The following LPA variants were observed in gnomAD, a reference collection of about 807,000 sequenced individuals.
LPA encodes apolipoprotein(a).
LPA carries 199 observed loss-of-function variants against 197.9 expected under a neutral mutation model. The ratio of observed to expected loss-of-function variants is 1.01; its 90% CI spans 0.90 to 1.13. The LOEUF (loss-of-function observed/expected upper bound fraction) is 1.13. LPA is among the 50% of genes most tolerant of loss of function. The pLI is 0.00. For missense variants in LPA, 1,853 were observed against 1,785.8 expected, an observed-to-expected ratio of 1.04 and a Z score of -0.68; for synonymous variants, 715 against 639.5, an observed-to-expected ratio of 1.12 and a Z score of -1.78.
chr6:160,578,585 G>A lies in LPA; in HGVS notation c.4409C>T (p.Ser1470Leu), dbSNP rs200730022. Residue 1470 changes from serine (S) to leucine (L), a missense_variant, in exon 27 of 39, where the codon TCG becomes TTG. Around this residue, in one of 3 missense-constraint regions of LPA, gnomAD observed 1,737 missense variants for 1,504.4 expected, o/e 1.15. Transcript: ENST00000316300. ...CACTGTGGGAGTTGTGAGGACACTC[G>A]ATTCTGTCACTGGACATCGTGTCAG... Reference protein sequence around the residue: ...CNLTRCPVTESSVLTTPTVAP... With the variant: ...CNLTRCPVTELSVLTTPTVAP... 9.1e-5 allele frequency: 147 copies of A among 1,614,008 alleles called. No individual in the cohort carries two copies. The highest frequency in any genetic ancestry group is 1.2e-4 in the Non-Finnish European group (140 of 1,179,920).
rs771903485 is a variant in LPA at position 160,553,954 on chromosome 6, T to TGTGTGTGTGC, written c.4973+2070_4973+2071insGCACACACAC. ...CTCTCTCTCTGTGTGTGTGTGTGTG[T>TGTGTGTGTGC]GCGCGCGCGCGCGTGTGCGTGTGTG... On this transcript the variant is annotated intron_variant, in intron 30 of 38. Coordinates refer to ENST00000316300, the MANE Select transcript of LPA (RefSeq NM_005577.4). Among the ~76,000 whole-genome samples the TGTGTGTGTGC allele has an allele frequency of 5.4e-3, 708 of 130,758 alleles. 6 individuals are homozygous for TGTGTGTGTGC. Among genetic ancestry groups the TGTGTGTGTGC allele is most frequent in the African/African-American group, 0.019 (638 of 33,042 alleles). 85.8% of individuals were successfully genotyped at this position (130,758 alleles called of 152,430 possible). A position where few individuals can be genotyped will look rare whatever the true frequency, so the allele number is the denominator to read the frequency against.
intron 2 of LPA, among the ~76,000 whole-genome samples, chr6:160,649,088 G>T (rs1256518024): frequency 2.0e-5 from 3 of 152,160 alleles, no homozygotes; most frequent in Non-Finnish European, 4.4e-5. Context: ...TCATTCTGAT[G>T]CTTGGAGACT....
chr6:160,650,305 C>A, intron 2 of LPA, 33 bp downstream of exon 2: 1 of 1,610,526 alleles, frequency 6.2e-7, no homozygotes, highest in South Asian at 1.1e-5. Flanking sequence ...TTACTTGGAC[C>A]TTGTTTTGCT....
intron 26 of LPA, among the ~76,000 whole-genome samples, chr6:160,580,810 C>G (rs1413873906): frequency 6.6e-6 from 1 of 152,100 alleles, no homozygotes; most frequent in East Asian, 1.9e-4. Context: ...TGGATACAGG[C>G]CATTTGTCAG....
chr6:160,599,082 GC>G (rs1196978498), intron 20 of LPA, among the ~76,000 whole-genome samples: 1 of 152,288 alleles, frequency 6.6e-6, no homozygotes, highest in East Asian at 1.9e-4. Flanking sequence ...GGTGGCTCAC[GC>G]CTGTAATCCC....
chr6:160,583,449 A>G (rs1562330852), intron 26 of LPA, among the ~76,000 whole-genome samples: 2 of 152,060 alleles, frequency 1.3e-5, no homozygotes, highest in African/African-American at 4.8e-5. Context: ...CTCCTGAAGT[A>G]TGGTTTTTTG....
chr6:160,576,366 A>ACC (rs1778665624), intron 28 of LPA, among the ~76,000 whole-genome samples: 3 of 23,898 alleles, frequency 1.3e-4, no homozygotes, highest in South Asian at 4.7e-3. Flanking sequence ...ATATATATAT[A>ACC]CATATATATA....
At position 160,542,740 on chromosome 6, in the gene LPA, C is replaced by A. The variant is rs1286121488; in HGVS notation, c.5467G>T (p.Gly1823Trp). 4 of 1,614,044 alleles carry A rather than the reference C, an allele frequency of 2.5e-6. No individual in the cohort carries two copies. Among genetic ancestry groups the A allele is most frequent in the East Asian group, 2.2e-5 (1 of 44,870 alleles). ...PKKCPGSIVGGCVAHPHSWPW... is the reference protein window; with the variant it reads ...PKKCPGSIVGWCVAHPHSWPW... ...CAGGAATGTGGGTGGGCCACACACC[C>A]CCCTACAATGCTTCCAGGACATTTC... Residue 1823 changes from glycine to tryptophan, a missense_variant, in exon 34 of 39, where the codon GGG becomes TGG. Transcript: ENST00000316300.
At chr6:160,603,186 C>A (rs1164069096) in intron 18 of LPA, among the ~76,000 whole-genome samples, 1 of 150,664 alleles carries the variant, frequency 6.6e-6, no homozygotes, top group African/African-American at 2.4e-5. Flanking sequence ...TATATTTTCC[C>A]GCCTGTCTGT....
chr6:160,595,648 C>T lies in LPA; in HGVS notation c.3288-113G>A, dbSNP rs149487859. On this transcript the variant is annotated intron_variant, in intron 20 of 38. Transcript: ENST00000316300. Reference sequence around the variant, plus strand: ...GTAAAAAGAGACTTTGAAATATTTTCACTAAAGGTCCCATAATATGCACAA... The same window carrying T: ...GTAAAAAGAGACTTTGAAATATTTTTACTAAAGGTCCCATAATATGCACAA... 24 of 1,480,244 alleles carry T rather than the reference C, an allele frequency of 1.6e-5. No homozygotes were observed. In the East Asian group the frequency reaches 3.7e-4, roughly 23 times the overall value. The allele number at this position is 1,480,244 out of a possible 1,614,324, so 91.7% of individuals were successfully genotyped here. A position where few individuals can be genotyped will look rare whatever the true frequency, so the allele number is the denominator to read the frequency against.
rs775248247 is a variant in LPA at position 160,585,104 on chromosome 6, A to G, written c.4231T>C (p.Ser1411Pro). 3.1e-6 allele frequency: 5 copies of G among 1,613,868 alleles called. No individual in the cohort carries two copies. In the South Asian group the frequency reaches 4.4e-5, roughly 14 times the overall value. ...CAATGTGGTGTCATAGACGACCAAG[A>G]CTGACATGTTCTTCCTGTGATAGTG... ...STTITGRTCQSWSSMTPHWHR... is the reference protein window; with the variant it reads ...STTITGRTCQPWSSMTPHWHR... The change falls in exon 26 of 39, where the codon TCT (serine) becomes CCT (proline). Residue 1411 changes from serine to proline, a missense_variant. By Grantham distance (74) the Ser-to-Pro change is moderately conservative (BLOSUM62 -1). Coordinates refer to ENST00000316300, the MANE Select transcript of LPA (RefSeq NM_005577.4).
At chr6:160,606,448 G>T (rs749733712) in intron 17 of LPA, 29 bp downstream of exon 17, 13 of 1,611,490 alleles carry the variant, frequency 8.1e-6, no homozygotes, top group East Asian at 6.7e-5. Flanking sequence ...GCATCGAAAC[G>T]TGTAGGTTTC....
rs1307736916 is a variant in LPA, at chr6:160,611,559, T to C, written c.2603+3A>G. The C allele has an allele frequency of 1.2e-6, 2 of 1,606,586 alleles. No homozygotes were observed. The highest frequency in any genetic ancestry group is 2.7e-5 in the African/African-American group (2 of 74,656). ...TCTCTTATGGTAAAGAACAAAGACA[T>C]ACGCATTTGGGTAGTATTCTGGGGT... On this transcript the variant is annotated splice_donor_region_variant and intron_variant, in intron 16 of 38. Transcript: ENST00000316300.
chr6:160,654,027 A>AT, intron 1 of LPA, among the ~76,000 whole-genome samples: 1 of 6,564 alleles, frequency 1.5e-4, no homozygotes, highest in East Asian at 4.2e-3. Flanking sequence ...TATAATATAT[A>AT]ATATATATTA....
rs1274073154 is a variant in LPA at position 160,640,733 on chromosome 6, C to T, written c.667G>A (p.Glu223Lys). The change falls in exon 5 of 39, where the codon GAA becomes AAA. Residue 223 changes from glutamate to lysine, a missense_variant. Physicochemically the swap from Glu to Lys is moderately conservative, Grantham distance 56. Around this residue, in one of 3 missense-constraint regions of LPA, gnomAD observed 28 missense variants for 198.4 expected, o/e 0.14. Transcript: ENST00000316300. ...GTCGGAGGCGCGACGGCAGTCCCTT[C>T]TGCGTCTGAGCATTGCGTCAGGTTG... Reference protein sequence around the residue: ...YCNLTQCSDAEGTAVAPPTVT... With the variant: ...YCNLTQCSDAKGTAVAPPTVT... 7.4e-6 allele frequency: 3 copies of T among 405,624 alleles called. No homozygotes were observed. In the East Asian group the frequency reaches 1.2e-4, roughly 16 times the overall value. The allele number at this position is 405,624 out of a possible 1,614,324, so 25.1% of individuals were successfully genotyped here.
At position 160,533,892 on chromosome 6, in the gene LPA, A is replaced by G. The variant is rs183165077; in HGVS notation, c.5843-1243T>C. Among the ~76,000 whole-genome samples the G allele has an allele frequency of 7.3e-3, 1,111 of 152,338 alleles. 14 individuals carry two copies. Among genetic ancestry groups the G allele is most frequent in the African/African-American group, 0.026 (1,069 of 41,572 alleles). ...AACAGAACCTCTGCTAAAGTGCCAGAGGAAATGCTGTTTTTCCAGATGGAC... is the reference window on the plus strand; with the variant it reads ...AACAGAACCTCTGCTAAAGTGCCAGGGGAAATGCTGTTTTTCCAGATGGAC... On this transcript the variant is annotated intron_variant, in intron 37 of 38. Coordinates refer to ENST00000316300, the MANE Select transcript of LPA (RefSeq NM_005577.4).
intron 16 of LPA, among the ~76,000 whole-genome samples, 173 bp from the exon 17 acceptor site, chr6:160,606,831 G>A (rs1394824077): frequency 6.6e-6 from 1 of 151,998 alleles, no homozygotes; most frequent in East Asian, 1.9e-4. Context: ...AATCCTGTCT[G>A]CACATTTCTC....
chr6:160,540,601 T>C (rs1269563837), intron 35 of LPA, among the ~76,000 whole-genome samples: 1 of 152,204 alleles, frequency 6.6e-6, no homozygotes. Context: ...TCTCTCTGTC[T>C]CTTGCTCCTG....
At chr6:160,603,526 C>T (rs1435292596) in intron 18 of LPA, among the ~76,000 whole-genome samples, 2 of 152,094 alleles carry the variant, frequency 1.3e-5, no homozygotes, top group Admixed American at 1.3e-4. Context: ...TTCATGTTTT[C>T]TTAAAACCTA....
Sources: gnomAD v4.1 joint callset for allele counts (sites outside exome capture counted in the v4.1 genomes callset) on GRCh38, gnomAD v4.1.1 for gene constraint, gnomAD v4.1.1 regional missense constraint, MANE v1.5 for transcripts, NCBI Gene and HGNC (gene_info 2026-07-23, HGNC 2026-07-21) for gene names.